SLC2A7: variants seen among roughly 807,000 people sequenced by gnomAD.
SLC2A7 encodes the protein solute carrier family 2, facilitated glucose transporter member 7.
Under a neutral mutation model 50.5 loss-of-function variants are expected in SLC2A7, and 50 were observed. The ratio of observed to expected loss-of-function variants is 0.99; its 90% CI spans 0.79 to 1.25. The LOEUF (loss-of-function observed/expected upper bound fraction) is 1.25, where lower values mean the gene tolerates loss of function less well. Among genes scored for constraint, SLC2A7 ranks in the 50% most tolerant of loss-of-function variants. SLC2A7 has a pLI of 0.00. For synonymous variants in SLC2A7, 308 were observed against 300.4 expected, an observed-to-expected ratio of 1.03 and a Z score of -0.26; for missense variants, 683 against 679.1, an observed-to-expected ratio of 1.01 and a Z score of -0.06.
At chr1:9,009,734 A>G (rs578158472) in intron 9 of SLC2A7, among the ~76,000 whole-genome samples, 1 of 152,342 alleles carries the variant, frequency 6.6e-6, no homozygotes, top group Admixed American at 6.5e-5. Flanking sequence ...CTAGGATTGC[A>G]GGAGTGAGCC....
In SLC2A7 at chr1:9,024,798, G is replaced by A. The variant is rs72863919; in HGVS notation, c.150+178C>T. Among the ~76,000 whole-genome samples, 4,333 of 152,126 alleles carry A rather than the reference G, an allele frequency of 0.028. 220 individuals carry two copies. The highest frequency in any genetic ancestry group is 0.1 in the African/African-American group (4,176 of 41,488). On this transcript the variant is annotated intron_variant, in intron 2 of 11. Coordinates refer to ENST00000400906, the MANE Select transcript of SLC2A7 (RefSeq NM_207420.3). ...TCCAGGGGGAAACACCTCCTGCCACGCCCTGGTCTCCAGGGGTGAGCATCC... is the reference window on the plus strand; with the variant it reads ...TCCAGGGGGAAACACCTCCTGCCACACCCTGGTCTCCAGGGGTGAGCATCC...
chr1:9,003,660 C>T (rs1295672336), intron 11 of SLC2A7, 142 bp from the exon 12 acceptor site: 2 of 649,962 alleles, frequency 3.1e-6, no homozygotes, highest in African/African-American at 3.7e-5. Context: ...GAGTTTGAGA[C>T]CAACCTGGCC....
In SLC2A7 at chr1:9,008,154, T is replaced by C. The variant is rs17027186; in HGVS notation, c.1117-769A>G. On this transcript the variant is annotated intron_variant, in intron 9 of 11. Transcript: ENST00000400906. The surrounding 1 kb of genome is among the most constrained non-coding windows in gnomAD (Gnocchi z 5.9). Reference sequence around the variant, plus strand: ...CCAATGCAAAACCGGGTCAACGGACTTCAGCCAAACTAACCGGGTGCCCCC... The same window carrying C: ...CCAATGCAAAACCGGGTCAACGGACCTCAGCCAAACTAACCGGGTGCCCCC... 0.077 allele frequency among the ~76,000 whole-genome samples: 11,736 copies of C among 152,058 alleles called. 665 individuals carry two copies. Among genetic ancestry groups the C allele is most frequent in the East Asian group, 0.23 (1,166 of 5,172 alleles).
chr1:9,015,572 C>A (rs1640817876), intron 5 of SLC2A7, among the ~76,000 whole-genome samples: 1 of 152,076 alleles, frequency 6.6e-6, no homozygotes, highest in African/African-American at 2.4e-5. Context: ...CTCATTAGGG[C>A]CATGGTAGGG....
In SLC2A7 at chr1:9,008,894, C is replaced by T. The variant is rs1304980190; in HGVS notation, c.1116+1249G>A. Among the ~76,000 whole-genome samples the T allele has an allele frequency of 5.9e-5, 9 of 152,240 alleles. No homozygotes were observed. Among genetic ancestry groups the T allele is most frequent in the Non-Finnish European group, 1.3e-4 (9 of 68,044 alleles). On this transcript the variant is annotated intron_variant, in intron 9 of 11. Transcript: ENST00000400906. The surrounding 1 kb of genome is among the most constrained non-coding windows in gnomAD (Gnocchi z 5.9). ...TACAGGTGTGAGCCACTGCGTCTGG[C>T]TGAGAACTTATACTGGTTTTAAAAT...
In SLC2A7 at chr1:9,015,098, G is replaced by A. The variant is rs769190967; in HGVS notation, c.715+19C>T. 6.2e-7 allele frequency: 1 copy of A among 1,612,304 alleles called. No individual in the cohort carries two copies. The highest frequency in any genetic ancestry group is 8.5e-7 in the Non-Finnish European group (1 of 1,179,514). On this transcript the variant is annotated intron_variant, in intron 6 of 11. Transcript: ENST00000400906. ...CCCGGGGTGGGCAGGGCCTGGGAGA[G>A]TAGCCGGCGACTTCATACCTTGTCG...
At chr1:9,013,381 AT>A in intron 8 of SLC2A7, 143 bp downstream of exon 8, 2 of 601,238 alleles carry the variant, frequency 3.3e-6, no homozygotes, top group Non-Finnish European at 5.6e-6. Context: ...GGTAGTTAGT[AT>A]GTGTGCATCC....
intron 9 of SLC2A7, 35 bp from the exon 10 acceptor site, chr1:9,007,420 C>T (rs1338306042): frequency 6.2e-7 from 1 of 1,609,268 alleles, no homozygotes; most frequent in Admixed American, 1.7e-5. Context: ...GGGCTGAGGC[C>T]AGGAGCCCCA....
In SLC2A7 at chr1:9,022,993, C is replaced by T; in HGVS notation, c.236G>A (p.Cys79Tyr). 2 of 1,614,164 alleles carry T rather than the reference C, an allele frequency of 1.2e-6. No individual in the cohort carries two copies. Among genetic ancestry groups the T allele is most frequent in the African/African-American group, 2.7e-5 (2 of 75,030 alleles). Reference sequence around the variant, plus strand: ...GCCCAGAGGAAACATGGAGACGGTGCAAGACCATAGAAGCAGCATGAGCTT... The same window carrying T: ...GCCCAGAGGAAACATGGAGACGGTGTAAGACCATAGAAGCAGCATGAGCTT... Reference protein sequence around the residue: ...DGKLMLLLWSCTVSMFPLGGL... With the variant: ...DGKLMLLLWSYTVSMFPLGGL... The change falls in exon 3 of 12, where the codon TGC becomes TAC. Residue 79 changes from cysteine (C) to tyrosine (Y), a missense_variant. By Grantham distance (194) the Cys-to-Tyr change is radical. Transcript: ENST00000400906.
chr1:8,994,225 C>T, the SLC2A7 span, among the ~76,000 whole-genome samples: 1 of 152,222 alleles, frequency 6.6e-6, no homozygotes, highest in Non-Finnish European at 1.5e-5. Context: ...CATCCTGAGC[C>T]CAGGCTCACG....
At chr1:8,994,997 C>T in the SLC2A7 span, among the ~76,000 whole-genome samples, 1 of 151,650 alleles carries the variant, frequency 6.6e-6, no homozygotes, top group Non-Finnish European at 1.5e-5. Context: ...TCTCGAACTC[C>T]TGACCTCAGG....
intron 8 of SLC2A7, among the ~76,000 whole-genome samples, chr1:9,011,105 C>T (rs917199807): frequency 6.6e-6 from 1 of 152,254 alleles, no homozygotes; most frequent in African/African-American, 2.4e-5. Context: ...AAATTATTCA[C>T]ACCAGCTACT....
chr1:9,020,205 C>A (rs758378145), intron 3 of SLC2A7, among the ~76,000 whole-genome samples: 1 of 152,048 alleles, frequency 6.6e-6, no homozygotes, highest in Non-Finnish European at 1.5e-5. Flanking sequence ...TTCTAACGAT[C>A]GGAGCTGCCT....
At position 9,003,613 on chromosome 1, in the gene SLC2A7, T is replaced by A; in HGVS notation, c.1321-95A>T. The A allele has an allele frequency of 2.7e-6, 3 of 1,112,096 alleles. No homozygotes were observed. In the East Asian group the frequency reaches 7.5e-5, roughly 28 times the overall value. The allele number at this position is 1,112,096 out of a possible 1,614,324, so 68.9% of individuals were successfully genotyped here. On this transcript the variant is annotated intron_variant, in intron 11 of 11. Transcript: ENST00000400906. ...TGGCTCATGCCTGTAATCCCAGCAC[T>A]TTGGGAGGCCAAGACAGGTGGATCA...
chr1:9,009,798 T>C (rs80285236), intron 9 of SLC2A7, among the ~76,000 whole-genome samples: 3,446 of 152,318 alleles, frequency 0.023, 149 homozygotes, highest in African/African-American at 0.079. Context: ...GGTCTTTCCT[T>C]AACCCACACC....
the SLC2A7 span, among the ~76,000 whole-genome samples, chr1:8,997,123 CT>C: frequency 6.6e-6 from 1 of 151,922 alleles, no homozygotes; most frequent in African/African-American, 2.4e-5. Flanking sequence ...CACGTATCTT[CT>C]TTGGTGAAGT....
At chr1:8,993,583 T>C in the SLC2A7 span, among the ~76,000 whole-genome samples, 2 of 152,210 alleles carry the variant, frequency 1.3e-5, no homozygotes, top group Admixed American at 6.5e-5. Flanking sequence ...TAAGGAATTA[T>C]TTTAAATTTT....
rs535438667 is a variant in SLC2A7, at chr1:9,003,155, G to C, written c.*145C>G. On this transcript the variant is annotated 3_prime_UTR_variant, in exon 12 of 12. Transcript: ENST00000400906. The stretch of plus-strand genomic sequence containing the variant: ...CTCAGCTAAATATGCATTGTTGTGG[G>C]TATTTAATAATATCCATAATTAAGT... The C allele has an allele frequency of 1.6e-4, 107 of 678,794 alleles. No individual in the cohort carries two copies. The East Asian group carries it at 2.9e-3, about 18-fold the overall frequency. The allele number at this position is 678,794 out of a possible 1,614,324, so 42.0% of individuals were successfully genotyped here.
intron 9 of SLC2A7, among the ~76,000 whole-genome samples, chr1:9,009,733 CA>C (rs1291397893): frequency 2.0e-5 from 3 of 152,232 alleles, no homozygotes; most frequent in Non-Finnish European, 4.4e-5. Context: ...GCTAGGATTG[CA>C]GGAGTGAGCC....
Sources: allele counts gnomAD v4.1 joint callset (sites outside exome capture counted in the v4.1 genomes callset), GRCh38; gene constraint gnomAD v4.1.1; non-coding constraint Gnocchi (gnomAD v3.1); transcripts MANE v1.5; gene names NCBI Gene and HGNC (gene_info 2026-07-23, HGNC 2026-07-21).